The following BTF3L4 variants were observed in gnomAD, a reference collection of about 807,000 sequenced individuals.
BTF3L4 encodes the protein transcription factor BTF3 homolog 4.
BTF3L4 carries 6 observed loss-of-function variants against 16.8 expected under a neutral mutation model. That is an observed-to-expected ratio of 0.36 (90% CI 0.20 to 0.71). The LOEUF (loss-of-function observed/expected upper bound fraction) is 0.71. Ranked by LOEUF, BTF3L4 falls within the 30% of genes least tolerant of loss-of-function variation. The probability of loss-of-function intolerance (pLI) is 0.58; values close to 1 mark genes in which losing one functional copy is unlikely to be tolerated. For missense variants in BTF3L4, 92 were observed against 186.9 expected (o/e 0.49, Z 2.96); for synonymous variants, 39 against 59.8 (o/e 0.65, Z 1.60).
At chr1:52,064,801 T>C in intron 2 of BTF3L4, 24 bp from the exon 3 acceptor site, 1 of 1,513,672 alleles carries the variant, frequency 6.6e-7, no homozygotes, top group South Asian at 1.2e-5. Flanking sequence ...CTAACACTTC[T>C]GCTTCTGTTT....
At chr1:52,062,756 A>C (rs552255108) in intron 2 of BTF3L4, among the ~76,000 whole-genome samples, 78 of 152,314 alleles carry the variant, frequency 5.1e-4, no homozygotes, top group Non-Finnish European at 6.0e-4. Context: ...CTATTGCTAG[A>C]GTCTAAGGCA....
At chr1:52,078,971 T>C (rs951536322) in intron 3 of BTF3L4, among the ~76,000 whole-genome samples, 2 of 152,184 alleles carry the variant, frequency 1.3e-5, no homozygotes, top group Non-Finnish European at 2.9e-5. Context: ...ATTGTACATA[T>C]ATTATATGGC....
chr1:52,082,958 G>T, intron 3 of BTF3L4, among the ~76,000 whole-genome samples: 1 of 152,198 alleles, frequency 6.6e-6, no homozygotes, highest in African/African-American at 2.4e-5. Context: ...CTGCCAAGTG[G>T]AAATTGCACT....
chr1:52,056,770 C>G (rs778258361), intron 1 of BTF3L4, among the ~76,000 whole-genome samples: 3 of 152,366 alleles, frequency 2.0e-5, no homozygotes, highest in South Asian at 2.1e-4. Flanking sequence ...GATAGGGAAG[C>G]TGAGGTTACC....
intron 3 of BTF3L4, among the ~76,000 whole-genome samples, chr1:52,073,413 A>G (rs1686842785): frequency 6.6e-6 from 1 of 151,812 alleles, no homozygotes; most frequent in Non-Finnish European, 1.5e-5. Flanking sequence ...GAGAGCTACT[A>G]TTAGTCTTGT....
chr1:52,088,263 A>G lies in BTF3L4; in HGVS notation c.*1505A>G, dbSNP rs1216139761. On this transcript the variant is annotated 3_prime_UTR_variant, in exon 6 of 6. Coordinates refer to ENST00000313334, the MANE Select transcript of BTF3L4 (RefSeq NM_152265.5). ...ACAATATATTAAGAGATCTGTAGACATGAAGGCAAAGCTCTTGTATTTTTT... is the reference window on the plus strand; with the variant it reads ...ACAATATATTAAGAGATCTGTAGACGTGAAGGCAAAGCTCTTGTATTTTTT... 2.6e-5 allele frequency: 4 copies of G among 152,636 alleles called. No homozygotes were observed. Among genetic ancestry groups the G allele is most frequent in the African/African-American group, 7.2e-5 (3 of 41,454 alleles). The allele number at this position is 152,636 out of a possible 1,614,324, so 9.5% of individuals were successfully genotyped here. A position where few individuals can be genotyped will look rare whatever the true frequency, so the allele number is the denominator to read the frequency against.
At chr1:52,070,557 CA>C (rs200740908) in intron 3 of BTF3L4, among the ~76,000 whole-genome samples, 7 of 104,150 alleles carry the variant, frequency 6.7e-5, no homozygotes, top group Admixed American at 1.1e-4. Flanking sequence ...GACTCCATCT[CA>C]AAAAAAAAAA....
intron 2 of BTF3L4, chr1:52,060,632 G>T: frequency 3.7e-6 from 4 of 1,092,678 alleles, no homozygotes; most frequent in Non-Finnish European, 4.5e-6. Flanking sequence ...GTGAAAGAAA[G>T]AATAGTACTT....
At chr1:52,068,286 C>T (rs1686703297) in intron 3 of BTF3L4, among the ~76,000 whole-genome samples, 1 of 152,164 alleles carries the variant, frequency 6.6e-6, no homozygotes, top group African/African-American at 2.4e-5. Flanking sequence ...TAATGATAGT[C>T]AACGTTTATT....
At chr1:52,083,805 A>AG (rs1370103060) in intron 4 of BTF3L4, among the ~76,000 whole-genome samples, 1 of 152,142 alleles carries the variant, frequency 6.6e-6, no homozygotes, top group Admixed American at 6.6e-5. Context: ...AGATTGCCTG[A>AG]GGTCAGGAGT....
At chr1:52,071,910 C>T (rs183675866) in intron 3 of BTF3L4, among the ~76,000 whole-genome samples, 197 of 123,274 alleles carry the variant, frequency 1.6e-3, no homozygotes, top group African/African-American at 5.7e-3. Context: ...GTTCTTTTGG[C>T]TTTTTGTTTT....
chr1:52,078,229 C>CT lies in BTF3L4; in HGVS notation c.169-5097dup, dbSNP rs376320702. On this transcript the variant is annotated intron_variant, in intron 3 of 5. Coordinates refer to ENST00000313334, the MANE Select transcript of BTF3L4 (RefSeq NM_152265.5). ...CACCATGCCACCTGGATTGCTTTTG[C>CT]TTTTTTTTTTTTTTGGTAGTGATGG... Among the ~76,000 whole-genome samples, 248 of 132,116 alleles carry CT rather than the reference C, an allele frequency of 1.9e-3. 8 individuals are homozygous for CT. Among genetic ancestry groups the CT allele is most frequent in the African/African-American group, 5.7e-3 (202 of 35,746 alleles). 86.7% of individuals were successfully genotyped at this position (132,116 alleles called of 152,430 possible).
At chr1:52,079,341 C>T (rs1572030526) in intron 3 of BTF3L4, among the ~76,000 whole-genome samples, 1 of 142,560 alleles carries the variant, frequency 7.0e-6, no homozygotes, top group South Asian at 2.2e-4. Flanking sequence ...GAGGTCACAT[C>T]ACTGCACTCC....
intron 3 of BTF3L4, among the ~76,000 whole-genome samples, chr1:52,074,082 T>G (rs1022250683): frequency 1.1e-4 from 17 of 152,088 alleles, no homozygotes; most frequent in African/African-American, 4.1e-4. Flanking sequence ...GGAGGATACT[T>G]TGAGCCCAGG....
intron 2 of BTF3L4, chr1:52,060,278 G>T: frequency 3.3e-6 from 1 of 300,466 alleles, no homozygotes; most frequent in South Asian, 3.2e-5. Context: ...CAGAGTAGAT[G>T]CTTAATAAAT....
chr1:52,085,219 C>G (rs4926907), intron 4 of BTF3L4, among the ~76,000 whole-genome samples: 4,988 of 151,462 alleles, frequency 0.033, 123 homozygotes, highest in Middle Eastern at 0.13. Context: ...CAGGGTTTCA[C>G]CGTCTTGGCC....
At chr1:52,077,386 AT>A (rs1371316401) in intron 3 of BTF3L4, among the ~76,000 whole-genome samples, 1 of 152,016 alleles carries the variant, frequency 6.6e-6, no homozygotes, top group African/African-American at 2.4e-5. Flanking sequence ...TACTAAAAAT[AT>A]AAAAATTAGC....
intron 3 of BTF3L4, among the ~76,000 whole-genome samples, chr1:52,081,167 C>T (rs572874910): frequency 6.7e-6 from 1 of 150,326 alleles, no homozygotes; most frequent in Non-Finnish European, 1.5e-5. Context: ...GAAAGAGCTT[C>T]ACTCTTGTCG....
intron 2 of BTF3L4, among the ~76,000 whole-genome samples, chr1:52,061,310 G>A (rs905557523): frequency 6.6e-6 from 1 of 151,978 alleles, no homozygotes; most frequent in Non-Finnish European, 1.5e-5. Flanking sequence ...CCAACATGGT[G>A]AAACCCTGTC....
Sources: gnomAD v4.1 joint callset for allele counts (sites outside exome capture counted in the v4.1 genomes callset) on GRCh38, gnomAD v4.1.1 for gene constraint, MANE v1.5 for transcripts, NCBI Gene and HGNC (gene_info 2026-07-23, HGNC 2026-07-21) for gene names.